RIN3: variants seen among roughly 807,000 people sequenced by gnomAD.
RIN3 encodes Ras and Rab interactor 3.
RIN3 carries 54 observed loss-of-function variants against 76.3 expected under a neutral mutation model. The observed-to-expected ratio is 0.71, with a 90% CI of 0.57 to 0.89. The LOEUF is 0.89. RIN3 is among the 40% of genes least tolerant of loss of function. The pLI, the probability that RIN3 is intolerant of heterozygous loss-of-function variation, is 0.00. For synonymous variants in RIN3, 576 were observed against 564.0 expected (o/e 1.02, Z -0.30); for missense variants, 1,256 against 1,322.1 (o/e 0.95, Z 0.78).
At chr14:92,573,411 TTTTA>T (rs1426207464) in intron 2 of RIN3, among the ~76,000 whole-genome samples, 4 of 152,026 alleles carry the variant, frequency 2.6e-5, no homozygotes, top group Admixed American at 2.6e-4. Context: ...AGTCCAGAGG[TTTTA>T]TTTCAGAGGC....
At chr14:92,649,554 G>A (rs1887330433) in intron 5 of RIN3, among the ~76,000 whole-genome samples, 1 of 152,088 alleles carries the variant, frequency 6.6e-6, no homozygotes, top group Non-Finnish European at 1.5e-5. Context: ...TGGGCACAGT[G>A]CTTCAAACAC....
chr14:92,651,214 G>A (rs1887403471), intron 5 of RIN3, among the ~76,000 whole-genome samples: 1 of 152,128 alleles, frequency 6.6e-6, no homozygotes, highest in South Asian at 2.1e-4. Flanking sequence ...TCCGTCCCCT[G>A]TGCTCTCACC....
At chr14:92,569,791 C>CCCCCT (rs1898015022) in intron 2 of RIN3, among the ~76,000 whole-genome samples, 1 of 152,038 alleles carries the variant, frequency 6.6e-6, no homozygotes, top group African/African-American at 2.4e-5. Context: ...GGGCTAGGGG[C>CCCCCT]ATCAAAATAG....
chr14:92,685,367 C>T lies in RIN3; in HGVS notation c.2631+217C>T, dbSNP rs2140179325. On this transcript the variant is annotated intron_variant, in intron 9 of 9. Transcript: ENST00000216487. This position sits in a 1 kb window ranked among gnomAD's most constrained non-coding sequence, Gnocchi z 4.7. ...GTGCGTCTAGAAACATATCAGCAGG[C>T]ATTGGTGTTCTCCCTGGGCAAGCAG... The T allele has an allele frequency of 3.6e-6, 2 of 558,960 alleles. No homozygotes were observed. The highest frequency in any genetic ancestry group is 3.2e-6 in the Non-Finnish European group (1 of 311,908). 34.6% of individuals were successfully genotyped at this position (558,960 alleles called of 1,614,324 possible). A position where few individuals can be genotyped will look rare whatever the true frequency, so the allele number is the denominator to read the frequency against.
At chr14:92,516,512 T>C (rs1352091987) in intron 1 of RIN3, among the ~76,000 whole-genome samples, 1 of 152,092 alleles carries the variant, frequency 6.6e-6, no homozygotes, top group Non-Finnish European at 1.5e-5. Context: ...TCCCTGGAGG[T>C]CCTGACTGGC....
At chr14:92,675,096 T>G (rs1888416569) in intron 7 of RIN3, among the ~76,000 whole-genome samples, 1 of 152,186 alleles carries the variant, frequency 6.6e-6, no homozygotes, top group Non-Finnish European at 1.5e-5. Flanking sequence ...AAAAATAATT[T>G]GATTCCCCCA....
chr14:92,673,297 C>G (rs1888349692), intron 7 of RIN3, among the ~76,000 whole-genome samples: 1 of 152,130 alleles, frequency 6.6e-6, no homozygotes, highest in Non-Finnish European at 1.5e-5. Context: ...ACAAGTGGAG[C>G]CATCTCCACT....
chr14:92,652,604 GC>G lies in RIN3; in HGVS notation c.1558del (p.His520IlefsTer48). ...GTQHPPAQAT[A>X]HSQSSPEFKG... ...TCAGCACCCTCCTGCCCAGGCCACT[GC>G]CCATTCCCAGAGCTCTCCAGAGTTC... is the stretch of plus-strand genomic sequence containing the variant. On this transcript the variant is annotated frameshift_variant, in exon 6 of 10. Transcript: ENST00000216487. LOFTEE classifies it high-confidence loss of function. This position sits in a 1 kb window ranked among gnomAD's most constrained non-coding sequence, Gnocchi z 6.4. 6.2e-7 allele frequency: 1 copy of G among 1,611,176 alleles called. No individual in the cohort carries two copies. Among genetic ancestry groups the G allele is most frequent in the Non-Finnish European group, 8.5e-7 (1 of 1,179,844 alleles).
chr14:92,561,214 G>T (rs1285198124), intron 2 of RIN3, among the ~76,000 whole-genome samples: 3 of 147,278 alleles, frequency 2.0e-5, no homozygotes, highest in African/African-American at 7.5e-5. Flanking sequence ...GAACTCAAAA[G>T]GTCTTCAGAG....
chr14:92,683,114 C>T (rs1888725421), intron 8 of RIN3, among the ~76,000 whole-genome samples: 1 of 152,022 alleles, frequency 6.6e-6, no homozygotes, highest in Non-Finnish European at 1.5e-5. Flanking sequence ...TTGCAATGTG[C>T]CTAGATCACG....
At chr14:92,543,749 A>G (rs1897178967) in intron 1 of RIN3, among the ~76,000 whole-genome samples, 1 of 149,664 alleles carries the variant, frequency 6.7e-6, no homozygotes, top group Admixed American at 6.8e-5. Flanking sequence ...CACCCGGCTA[A>G]TTTTTTAATT....
rs181800223 is a variant in RIN3 at position 92,627,743 on chromosome 14, G to A, written c.440+12264G>A. 3.1e-3 allele frequency among the ~76,000 whole-genome samples: 478 copies of A among 152,286 alleles called. 4 individuals are homozygous for A. Among genetic ancestry groups the A allele is most frequent in the African/African-American group, 0.011 (452 of 41,554 alleles). On this transcript the variant is annotated intron_variant, in intron 4 of 9. Transcript: ENST00000216487. ...CCACGTCAGCAAGGCAGTGGGTCAC[G>A]TCTCCCCCTGGGAGATGACCAGAGA...
intron 7 of RIN3, among the ~76,000 whole-genome samples, chr14:92,673,389 G>A (rs1010818634): frequency 2.6e-5 from 4 of 152,076 alleles, no homozygotes; most frequent in African/African-American, 7.2e-5. Flanking sequence ...TCTCTCAGGT[G>A]TATATATAAC....
intron 3 of RIN3, among the ~76,000 whole-genome samples, chr14:92,593,692 A>G (rs1885062642): frequency 6.6e-6 from 1 of 152,314 alleles, no homozygotes; most frequent in East Asian, 1.9e-4. Flanking sequence ...AAGTATAATA[A>G]TAATAATAAT....
chr14:92,657,071 A>G (rs1179849860), intron 6 of RIN3, among the ~76,000 whole-genome samples: 1 of 152,224 alleles, frequency 6.6e-6, no homozygotes, highest in African/African-American at 2.4e-5. Context: ...TAAAAAGGCC[A>G]GACAGGGCGG....
Position 92,652,655 on chromosome 14 carries a change from G to C in RIN3, c.1606G>C (p.Asp536His). The C allele has an allele frequency of 1.2e-6, 2 of 1,612,198 alleles. No homozygotes were observed. Among genetic ancestry groups the C allele is most frequent in the Non-Finnish European group, 1.7e-6 (2 of 1,179,994 alleles). ...EFKGSLASLS[D>H]SLGVSVMATD... ...CAAGGGCTCCCTGGCCTCCCTCTCA[G>C]ACAGCTTGGGGGTGTCTGTCATGGC... Residue 536 changes from aspartate to histidine, a missense_variant, in exon 6 of 10, where the codon GAC becomes CAC. Transcript: ENST00000216487. The surrounding 1 kb of genome is among the most constrained non-coding windows in gnomAD (Gnocchi z 6.4).
chr14:92,545,417 C>A (rs1897238044), intron 1 of RIN3, among the ~76,000 whole-genome samples: 1 of 152,056 alleles, frequency 6.6e-6, no homozygotes, highest in African/African-American at 2.4e-5. Context: ...GCCTAACTTT[C>A]TGTTTTGACG....
Position 92,685,279 on chromosome 14 carries a change from G to A in RIN3, c.2631+129G>A. 1 of 972,716 alleles carries A rather than the reference G, an allele frequency of 1.0e-6. No homozygotes were observed. Among genetic ancestry groups the A allele is most frequent in the African/African-American group, 1.6e-5 (1 of 61,166 alleles). 60.3% of individuals were successfully genotyped at this position (972,716 alleles called of 1,614,324 possible). A position where few individuals can be genotyped will look rare whatever the true frequency, so the allele number is the denominator to read the frequency against. On this transcript the variant is annotated intron_variant, in intron 9 of 9. Coordinates refer to ENST00000216487, the MANE Select transcript of RIN3 (RefSeq NM_024832.5). The surrounding 1 kb of genome is among the most constrained non-coding windows in gnomAD (Gnocchi z 4.7). Reference sequence around the variant, plus strand: ...CCCAGCCCTGCCTTAGGGGAGCAGTGAGACTCCCCACACCAGAGGAAGGGC... The same window carrying A: ...CCCAGCCCTGCCTTAGGGGAGCAGTAAGACTCCCCACACCAGAGGAAGGGC...
intron 3 of RIN3, among the ~76,000 whole-genome samples, chr14:92,612,133 C>T (rs1231652601): frequency 1.3e-5 from 2 of 152,282 alleles, no homozygotes; most frequent in East Asian, 1.9e-4. Context: ...CTGGGGATTA[C>T]AATTGCACAT....
Sources: allele counts gnomAD v4.1 joint callset (sites outside exome capture counted in the v4.1 genomes callset), GRCh38; gene constraint gnomAD v4.1.1; non-coding constraint Gnocchi (gnomAD v3.1); transcripts MANE v1.5; gene names NCBI Gene and HGNC (gene_info 2026-07-23, HGNC 2026-07-21).